PRKG1: variants seen among roughly 807,000 people sequenced by gnomAD.
PRKG1 encodes the protein cGMP-dependent protein kinase 1.
In PRKG1, 35 loss-of-function variants were observed where a neutral mutation model predicts 88.1. The observed-to-expected ratio is 0.40, with a 90% CI of 0.30 to 0.53. PRKG1 has a LOEUF of 0.53. Ranked by LOEUF, PRKG1 falls within the 20% of genes least tolerant of loss-of-function variation. The pLI is 0.59. For missense variants in PRKG1, 540 were observed against 839.8 expected, an observed-to-expected ratio of 0.64 and a Z score of 4.41; for synonymous variants, 303 against 292.5, an observed-to-expected ratio of 1.04 and a Z score of -0.37.
chr10:52,298,190 A>G lies in PRKG1; in HGVS notation c.*4290A>G, dbSNP rs1842420384. On this transcript the variant is annotated 3_prime_UTR_variant, in exon 18 of 18. Coordinates refer to ENST00000373980, the MANE Select transcript of PRKG1 (RefSeq NM_006258.4). ...GTTAGTCAGAATGCAACAAACTGTC[A>G]TCAAATGGTCATTGACCACTTGCAC... is the stretch of plus-strand genomic sequence containing the variant. 2.0e-5 allele frequency: 3 copies of G among 152,148 alleles called. No homozygotes were observed. In the South Asian group the frequency reaches 6.2e-4, roughly 32 times the overall value. The allele number at this position is 152,148 out of a possible 1,614,324, so 9.4% of individuals were successfully genotyped here. A position where few individuals can be genotyped will look rare whatever the true frequency, so the allele number is the denominator to read the frequency against.
At chr10:51,676,634 T>C (rs1840718568) in intron 3 of PRKG1, among the ~76,000 whole-genome samples, 1 of 152,220 alleles carries the variant, frequency 6.6e-6, no homozygotes, top group African/African-American at 2.4e-5. Context: ...ACAAGTTATC[T>C]GTGAAAATAA....
At chr10:51,138,020 G>T (rs1029977982) in intron 1 of PRKG1, among the ~76,000 whole-genome samples, 4 of 152,158 alleles carry the variant, frequency 2.6e-5, no homozygotes, top group Non-Finnish European at 4.4e-5. Context: ...TTATGTATTG[G>T]TGGTTCCAAA....
At chr10:51,492,286 A>G (rs1399547519) in intron 3 of PRKG1, among the ~76,000 whole-genome samples, 1 of 152,120 alleles carries the variant, frequency 6.6e-6, no homozygotes, top group Non-Finnish European at 1.5e-5. Flanking sequence ...ATGTTTTTAT[A>G]AGAATATTCT....
intron 7 of PRKG1, among the ~76,000 whole-genome samples, chr10:52,067,717 CTT>C (rs35466473): frequency 0.18 from 26,091 of 147,392 alleles, 2,832 homozygotes; most frequent in South Asian, 0.29. Flanking sequence ...GCTCAAGCAT[CTT>C]TTTTTTTTTT....
At chr10:52,217,709 A>C (rs1256906364) in intron 9 of PRKG1, among the ~76,000 whole-genome samples, 1 of 152,186 alleles carries the variant, frequency 6.6e-6, no homozygotes, top group African/African-American at 2.4e-5. Flanking sequence ...TGGCTTGGGC[A>C]ACTGATGCAA....
chr10:51,735,685 C>T (rs190763364), intron 3 of PRKG1, among the ~76,000 whole-genome samples: 134 of 151,796 alleles, frequency 8.8e-4, no homozygotes, highest in African/African-American at 3.2e-3. Context: ...TAAATTATCT[C>T]GAGTAGTTAT....
intron 10 of PRKG1, among the ~76,000 whole-genome samples, chr10:52,260,337 T>C (rs376702771): frequency 1.7e-4 from 26 of 152,086 alleles, no homozygotes; most frequent in African/African-American, 5.8e-4. Context: ...TGTAACAGTT[T>C]AAAAAATTAT....
At chr10:51,738,876 C>T (rs1837360206) in intron 3 of PRKG1, among the ~76,000 whole-genome samples, 1 of 152,138 alleles carries the variant, frequency 6.6e-6, no homozygotes, top group Non-Finnish European at 1.5e-5. Flanking sequence ...AATATTTCCT[C>T]TCTTTGTTTT....
chr10:51,626,416 C>T (rs576166311), intron 3 of PRKG1, among the ~76,000 whole-genome samples: 1 of 152,208 alleles, frequency 6.6e-6, no homozygotes, highest in East Asian at 1.9e-4. Context: ...TCTTTAAAAT[C>T]CTACCTGCAT....
At chr10:51,156,323 A>ACACACACACACACACACACACACC (rs796364856) in intron 2 of PRKG1, among the ~76,000 whole-genome samples, 91 of 151,224 alleles carry the variant, frequency 6.0e-4, no homozygotes, top group Admixed American at 1.9e-3. Flanking sequence ...AAACACACAC[A>ACACACACACACACACACACACACC]CCCGAATGTA....
chr10:51,947,635 A>G (rs912377414), intron 5 of PRKG1, among the ~76,000 whole-genome samples: 20 of 152,156 alleles, frequency 1.3e-4, no homozygotes, highest in Non-Finnish European at 2.5e-4. Flanking sequence ...TTTTAAATTC[A>G]TAAAGTGTGA....
rs188494010 is a variant in PRKG1, at chr10:51,855,556, T to A, written c.698+50866T>A. 2.8e-3 allele frequency among the ~76,000 whole-genome samples: 422 copies of A among 152,296 alleles called. 2 individuals are homozygous for A. Among genetic ancestry groups the A allele is most frequent in the African/African-American group, 9.7e-3 (404 of 41,564 alleles). On this transcript the variant is annotated intron_variant, in intron 4 of 17. Transcript: ENST00000373980. Reference sequence around the variant, plus strand: ...CAATCATTCTCTCAGTCCAAGCAAGTCATTTGGCAAGCATGAAATTGAATT... The same window carrying A: ...CAATCATTCTCTCAGTCCAAGCAAGACATTTGGCAAGCATGAAATTGAATT...
intron 2 of PRKG1, among the ~76,000 whole-genome samples, chr10:51,390,481 T>C (rs1837367437): frequency 6.6e-6 from 1 of 152,196 alleles, no homozygotes; most frequent in African/African-American, 2.4e-5. Flanking sequence ...TGGGAAAGAA[T>C]TTTGGAGAAA....
At chr10:51,056,360 C>G (rs910795478) in intron 1 of PRKG1, among the ~76,000 whole-genome samples, 1 of 131,986 alleles carries the variant, frequency 7.6e-6, no homozygotes, top group African/African-American at 2.7e-5. Context: ...AAAGTTGTAC[C>G]TGGTTACACA....
intron 5 of PRKG1, among the ~76,000 whole-genome samples, chr10:51,983,540 C>G (rs893009572): frequency 2.0e-5 from 3 of 152,198 alleles, no homozygotes; most frequent in African/African-American, 4.8e-5. Context: ...CCAGCCCCAT[C>G]TGATGGGCAA....
At chr10:51,712,749 C>T (rs1190163604) in intron 3 of PRKG1, among the ~76,000 whole-genome samples, 1 of 151,750 alleles carries the variant, frequency 6.6e-6, no homozygotes, top group Non-Finnish European at 1.5e-5. Context: ...GCCACCACGC[C>T]CGGCTAATTT....
chr10:51,451,592 T>G (rs1048540625), intron 2 of PRKG1, among the ~76,000 whole-genome samples: 1 of 151,960 alleles, frequency 6.6e-6, no homozygotes, highest in African/African-American at 2.4e-5. Flanking sequence ...CAGTTTGAAC[T>G]TCTTAACAGG....
At chr10:52,078,005 C>T (rs1846674663) in intron 7 of PRKG1, among the ~76,000 whole-genome samples, 1 of 152,154 alleles carries the variant, frequency 6.6e-6, no homozygotes. Context: ...TGTCTGCCGC[C>T]CAGATGGCCG....
At chr10:51,624,166 A>ATT (rs575073865) in intron 3 of PRKG1, among the ~76,000 whole-genome samples, 46 of 152,292 alleles carry the variant, frequency 3.0e-4, no homozygotes, top group African/African-American at 1.1e-3. Context: ...TTGGGGCTGT[A>ATT]TTCTGTCATG....
Sources: gnomAD v4.1 joint callset for allele counts (sites outside exome capture counted in the v4.1 genomes callset) on GRCh38, gnomAD v4.1.1 for gene constraint, MANE v1.5 for transcripts, NCBI Gene and HGNC (gene_info 2026-07-23, HGNC 2026-07-21) for gene names.